MTUS2: variants seen among roughly 807,000 people sequenced by gnomAD.
MTUS2 encodes the protein microtubule-associated tumor suppressor candidate 2.
Under a neutral mutation model 114.1 loss-of-function variants are expected in MTUS2, and 40 were observed. That is an observed-to-expected ratio of 0.35 (90% CI 0.27 to 0.46). The LOEUF is 0.46. Ranked by LOEUF, MTUS2 falls within the 20% of genes least tolerant of loss-of-function variation. The pLI is 1.00. For missense variants in MTUS2, 1,679 were observed against 1,705.4 expected (o/e 0.98, Z 0.27); for synonymous variants, 688 against 672.0 (o/e 1.02, Z -0.37).
chr13:29,144,870 T>A (rs144472108), intron 5 of MTUS2, among the ~76,000 whole-genome samples: 2 of 152,102 alleles, frequency 1.3e-5, no homozygotes, highest in African/African-American at 4.8e-5. Context: ...ACAATAAGAG[T>A]TAGGTAATAT....
At chr13:29,300,705 G>T (rs954391363) in intron 6 of MTUS2, among the ~76,000 whole-genome samples, 3 of 152,092 alleles carry the variant, frequency 2.0e-5, no homozygotes, top group Non-Finnish European at 4.4e-5. Flanking sequence ...TCTTCAAGGG[G>T]TGTATTATTT....
intron 8 of MTUS2, among the ~76,000 whole-genome samples, chr13:29,366,054 T>TG (rs1870686564): frequency 6.6e-6 from 1 of 152,222 alleles, no homozygotes; most frequent in South Asian, 2.1e-4. Context: ...AAGACTATAA[T>TG]GAAGGGGCTG....
Position 29,363,541 on chromosome 13 carries a change from C to G in MTUS2, c.3117+4068C>G, listed in dbSNP as rs1431719075. Among the ~76,000 whole-genome samples the G allele has an allele frequency of 2.6e-5, 4 of 152,022 alleles. No individual in the cohort carries two copies. In the East Asian group the frequency reaches 5.8e-4, roughly 22 times the overall value. On this transcript the variant is annotated intron_variant, in intron 8 of 15. Coordinates refer to ENST00000612955, the MANE Select transcript of MTUS2 (RefSeq NM_001033602.4). ...TATTTTAAGGCTTTTATTATTTTAC[C>G]TTTTATCACAAAAAAAATTTAATAT...
intron 2 of MTUS2, among the ~76,000 whole-genome samples, chr13:28,999,803 C>G (rs1030522899): frequency 6.6e-6 from 1 of 152,170 alleles, no homozygotes; most frequent in Non-Finnish European, 1.5e-5. Flanking sequence ...CTCTGGTAAC[C>G]ACTATTTTAC....
At chr13:28,850,145 A>G (rs999976762) in intron 2 of MTUS2, among the ~76,000 whole-genome samples, 3 of 61,048 alleles carry the variant, frequency 4.9e-5, no homozygotes, top group African/African-American at 1.3e-4. Flanking sequence ...GCTCGTTGGT[A>G]TAAGGTCCTT....
chr13:29,358,108 T>C lies in MTUS2; in HGVS notation c.2906-1154T>C, dbSNP rs536595857. Among the ~76,000 whole-genome samples the C allele has an allele frequency of 3.9e-5, 6 of 152,290 alleles. No individual in the cohort carries two copies. In the South Asian group the frequency reaches 1.2e-3, roughly 32 times the overall value. ...ATGATTGTGCTGGTCAGTGTCTGTG[T>C]CATGTCCTCTAGGAGTGTAATCTAC... is the stretch of plus-strand genomic sequence containing the variant. On this transcript the variant is annotated intron_variant, in intron 7 of 15. Coordinates refer to ENST00000612955, the MANE Select transcript of MTUS2 (RefSeq NM_001033602.4).
intron 5 of MTUS2, among the ~76,000 whole-genome samples, chr13:29,170,961 C>T (rs1262836043): frequency 1.3e-5 from 2 of 152,166 alleles, no homozygotes; most frequent in African/African-American, 2.4e-5. Context: ...TTCATGAATC[C>T]TTGCATCAGG....
chr13:28,934,616 C>A (rs765445527), intron 2 of MTUS2, among the ~76,000 whole-genome samples: 1 of 152,064 alleles, frequency 6.6e-6, no homozygotes, highest in African/African-American at 2.4e-5. Context: ...CTTCCCCTCC[C>A]GGGTTCAAGC....
intron 7 of MTUS2, among the ~76,000 whole-genome samples, chr13:29,335,011 C>T (rs1166591057): frequency 6.6e-6 from 1 of 152,094 alleles, no homozygotes; most frequent in Non-Finnish European, 1.5e-5. Context: ...AATCTGGGCA[C>T]CTTAAGAACA....
chr13:28,919,624 C>A (rs1456080331), intron 2 of MTUS2, among the ~76,000 whole-genome samples: 2 of 151,984 alleles, frequency 1.3e-5, no homozygotes, highest in Non-Finnish European at 2.9e-5. Context: ...CTAGGTTTGG[C>A]AATTTCTCTT....
chr13:29,329,325 C>T (rs746596574), intron 7 of MTUS2, among the ~76,000 whole-genome samples: 2 of 151,462 alleles, frequency 1.3e-5, no homozygotes, highest in Admixed American at 1.3e-4. Context: ...TGTTCCCCTC[C>T]CTGTGCTCCC....
chr13:29,495,469 G>A (rs1363010056), intron 12 of MTUS2, among the ~76,000 whole-genome samples: 2 of 151,674 alleles, frequency 1.3e-5, no homozygotes, highest in Non-Finnish European at 2.9e-5. Flanking sequence ...AAGAAAGCAA[G>A]CAGTCAAGCC....
At chr13:29,324,251 A>G (rs1164485578) in intron 6 of MTUS2, among the ~76,000 whole-genome samples, 12 of 152,162 alleles carry the variant, frequency 7.9e-5, no homozygotes, top group Admixed American at 7.9e-4. Flanking sequence ...AAAATTTGTT[A>G]TGGCAGAGAG....
chr13:29,223,710 A>G (rs1288870882), intron 5 of MTUS2, among the ~76,000 whole-genome samples: 1 of 152,204 alleles, frequency 6.6e-6, no homozygotes, highest in Admixed American at 6.5e-5. Context: ...AGGCTGAAAC[A>G]TGCCCCTTGC....
intron 5 of MTUS2, among the ~76,000 whole-genome samples, chr13:29,175,985 C>A (rs934899981): frequency 1.3e-5 from 2 of 152,100 alleles, no homozygotes; most frequent in Non-Finnish European, 2.9e-5. Context: ...TTGAAATTTA[C>A]AGTCCCAACT....
At chr13:29,167,918 T>C (rs998140692) in intron 5 of MTUS2, among the ~76,000 whole-genome samples, 7 of 152,282 alleles carry the variant, frequency 4.6e-5, no homozygotes, top group African/African-American at 7.2e-5. Flanking sequence ...CTGAAATAAA[T>C]AGGAGTACAT....
At chr13:29,069,842 T>A (rs1888832191) in intron 4 of MTUS2, among the ~76,000 whole-genome samples, 1 of 152,168 alleles carries the variant, frequency 6.6e-6, no homozygotes, top group African/African-American at 2.4e-5. Context: ...TAATTTGGAT[T>A]TTTTTTGTCC....
chr13:28,868,443 G>T (rs1362242290), intron 2 of MTUS2, among the ~76,000 whole-genome samples: 1 of 152,118 alleles, frequency 6.6e-6, no homozygotes, highest in African/African-American at 2.4e-5. Context: ...GCAGATTCTG[G>T]TCACATCTGC....
At chr13:29,344,454 A>G (rs1042644033) in intron 7 of MTUS2, among the ~76,000 whole-genome samples, 2 of 152,118 alleles carry the variant, frequency 1.3e-5, no homozygotes, top group South Asian at 4.1e-4. Flanking sequence ...TTTGTCTGAT[A>G]TAACAATAGC....
Sources: allele counts gnomAD v4.1 joint callset (sites outside exome capture counted in the v4.1 genomes callset), GRCh38; gene constraint gnomAD v4.1.1; transcripts MANE v1.5; gene names NCBI Gene and HGNC (gene_info 2026-07-23, HGNC 2026-07-21).